ABLIM2: variants seen among roughly 807,000 people sequenced by gnomAD.
The protein encoded by ABLIM2 is actin-binding LIM protein 2.
A neutral mutation model predicts 97.7 loss-of-function variants in ABLIM2; 53 were observed. The ratio of observed to expected loss-of-function variants is 0.54; its 90% CI spans 0.44 to 0.68. The LOEUF is 0.68. Among genes scored for constraint, ABLIM2 ranks in the 30% least tolerant of loss-of-function variants. The pLI is 0.00. For missense variants in ABLIM2, 835 were observed against 867.2 expected (o/e 0.96, Z 0.47); for synonymous variants, 361 against 345.8 (o/e 1.04, Z -0.49).
In ABLIM2 at chr4:8,013,219, CTTTTTTTTTT is replaced by C. The variant is rs60424207; in HGVS notation, c.1424-4127_1424-4118del. 2.6e-3 allele frequency among the ~76,000 whole-genome samples: 284 copies of C among 110,620 alleles called. 2 individuals carry two copies. The highest frequency in any genetic ancestry group is 9.0e-3 in the African/African-American group (253 of 28,040). The allele number at this position is 110,620 out of a possible 152,430, so 72.6% of individuals were successfully genotyped here. ...ATTGTGGTCTGGATAAACATTTTTC[CTTTTTTTTTT>C]TTTTTTTTTTTGAGATGGATTCTCA... On this transcript the variant is annotated intron_variant, in intron 14 of 20. Coordinates refer to ENST00000447017, the MANE Select transcript of ABLIM2 (RefSeq NM_001130083.2).
At chr4:8,009,813 C>T (rs1374425520) in intron 14 of ABLIM2, among the ~76,000 whole-genome samples, 3 of 152,160 alleles carry the variant, frequency 2.0e-5, no homozygotes, top group East Asian at 1.9e-4. Context: ...CTGACTACCC[C>T]GCCCACCCCC....
rs760948438 is a variant in ABLIM2 at position 8,071,126 on chromosome 4, C to T, written c.675+6502G>A. ...TAGAGGCTGGTCACACCGCTGTCCC[C>T]GTGGATTCGCCAGCTGAGTCCCAGC... is the stretch of plus-strand genomic sequence containing the variant. On this transcript the variant is annotated intron_variant, in intron 6 of 20. Transcript: ENST00000447017. The surrounding 1 kb of genome is among the most constrained non-coding windows in gnomAD (Gnocchi z 6.2). Among the ~76,000 whole-genome samples the T allele has an allele frequency of 1.6e-4, 25 of 151,808 alleles. No homozygotes were observed. Among genetic ancestry groups the T allele is most frequent in the Non-Finnish European group, 2.9e-4 (20 of 67,976 alleles).
At position 8,140,445 on chromosome 4, in the gene ABLIM2, C is replaced by T. The variant is rs543183843; in HGVS notation, c.10+18235G>A. On this transcript the variant is annotated intron_variant, in intron 1 of 20. Transcript: ENST00000447017. This position sits in a 1 kb window ranked among gnomAD's most constrained non-coding sequence, Gnocchi z 5.9. ...TCGTGAAACAGTGCCAGAGGAGGAC[C>T]GCATCGTGCACCACCTGGAGGCTTG... Among the ~76,000 whole-genome samples, 6 of 151,976 alleles carry T rather than the reference C, an allele frequency of 3.9e-5. No homozygotes were observed. The highest frequency in any genetic ancestry group is 4.2e-4 in the South Asian group (2 of 4,794).
intron 6 of ABLIM2, among the ~76,000 whole-genome samples, chr4:8,063,821 A>AC (rs539397716): frequency 1.3e-5 from 2 of 151,534 alleles, no homozygotes; most frequent in African/African-American, 2.4e-5. Flanking sequence ...AATTCCAAAT[A>AC]CCCCCCTTGC....
intron 4 of ABLIM2, among the ~76,000 whole-genome samples, chr4:8,084,646 G>A (rs1436757030): frequency 1.3e-5 from 2 of 152,220 alleles, no homozygotes; most frequent in Admixed American, 6.5e-5. Context: ...CCAGGTCCAG[G>A]GGATGGAGCT....
At chr4:8,151,015 C>T (rs1449705844) in intron 1 of ABLIM2, among the ~76,000 whole-genome samples, 1 of 152,210 alleles carries the variant, frequency 6.6e-6, no homozygotes. Context: ...CCTTGACTCT[C>T]ACTCAGCATC....
rs368414784 is a variant in ABLIM2, at chr4:8,075,123, G to A, written c.675+2505C>T. ...TGAGAGTCATGATGAAATATGATGCGAGAGTAAAGCTTATGTCCGAACGAA... is the reference window on the plus strand; with the variant it reads ...TGAGAGTCATGATGAAATATGATGCAAGAGTAAAGCTTATGTCCGAACGAA... On this transcript the variant is annotated intron_variant, in intron 6 of 20. Coordinates refer to ENST00000447017, the MANE Select transcript of ABLIM2 (RefSeq NM_001130083.2). The surrounding 1 kb of genome is among the most constrained non-coding windows in gnomAD (Gnocchi z 4.4). Among the ~76,000 whole-genome samples, 10 of 152,304 alleles carry A rather than the reference G, an allele frequency of 6.6e-5. No individual in the cohort carries two copies. The South Asian group carries it at 1.4e-3, about 22-fold the overall frequency.
chr4:7,989,344 G>A (rs1001487731), intron 17 of ABLIM2: 4 of 939,120 alleles, frequency 4.3e-6, no homozygotes, highest in East Asian at 1.2e-4. Context: ...CTCGCAGAGT[G>A]CTGGGATTAT....
chr4:8,011,586 T>C (rs192578358), intron 14 of ABLIM2, among the ~76,000 whole-genome samples: 67 of 152,360 alleles, frequency 4.4e-4, no homozygotes, highest in African/African-American at 1.5e-3. Flanking sequence ...GAAACTCAGC[T>C]TACAGGTTTG....
At chr4:7,981,602 C>G (rs535367484) in intron 20 of ABLIM2, among the ~76,000 whole-genome samples, 1 of 152,308 alleles carries the variant, frequency 6.6e-6, no homozygotes, top group African/African-American at 2.4e-5. Flanking sequence ...AATTCCTTCT[C>G]TGCTTAAGTC....
chr4:8,121,194 G>A (rs960082174), intron 1 of ABLIM2, among the ~76,000 whole-genome samples: 11 of 152,206 alleles, frequency 7.2e-5, no homozygotes, highest in African/African-American at 2.2e-4. Flanking sequence ...TTTGGAGAAC[G>A]GTGATGTGAC....
intron 6 of ABLIM2, among the ~76,000 whole-genome samples, chr4:8,077,042 C>A: frequency 9.1e-6 from 1 of 109,468 alleles, no homozygotes; most frequent in Middle Eastern, 4.5e-3. Flanking sequence ...GGGTGGGCTG[C>A]AGGATGGGGG....
intron 6 of ABLIM2, among the ~76,000 whole-genome samples, chr4:8,065,825 G>A (rs1806762090): frequency 6.6e-6 from 1 of 152,074 alleles, no homozygotes; most frequent in Non-Finnish European, 1.5e-5. Context: ...TCAGGAGGCT[G>A]AGACAGGAGA....
chr4:8,054,303 C>A lies in ABLIM2; in HGVS notation c.764-57G>T. ...AGAGTTATTTCCCATGTTGCAGGGG[C>A]CTGTGTGGAAACGCAGAGGAGGGAG... On this transcript the variant is annotated intron_variant, in intron 7 of 20. Transcript: ENST00000447017. The surrounding 1 kb of genome is among the most constrained non-coding windows in gnomAD (Gnocchi z 4.9). 1 of 1,585,326 alleles carries A rather than the reference C, an allele frequency of 6.3e-7. No homozygotes were observed. Among genetic ancestry groups the A allele is most frequent in the Non-Finnish European group, 8.7e-7 (1 of 1,155,638 alleles).
rs749265520 is a variant in ABLIM2, at chr4:8,125,181, T to G, written c.11-18544A>C. On this transcript the variant is annotated intron_variant, in intron 1 of 20. Transcript: ENST00000447017. This position sits in a 1 kb window ranked among gnomAD's most constrained non-coding sequence, Gnocchi z 6.2. ...TATTTTGTGAGTTGTGTTTTCACTTTCCTCACGATGTCTTTGGCATCACAG... is the reference window on the plus strand; with the variant it reads ...TATTTTGTGAGTTGTGTTTTCACTTGCCTCACGATGTCTTTGGCATCACAG... 6.6e-6 allele frequency among the ~76,000 whole-genome samples: 1 copy of G among 152,242 alleles called. No homozygotes were observed. Among genetic ancestry groups the G allele is most frequent in the Non-Finnish European group, 1.5e-5 (1 of 68,052 alleles).
chr4:8,017,873 G>T (rs1770598610), intron 14 of ABLIM2, among the ~76,000 whole-genome samples: 1 of 152,022 alleles, frequency 6.6e-6, no homozygotes, highest in Admixed American at 6.6e-5. Context: ...TGCTCCTGTA[G>T]TCCCAGGTAC....
At chr4:8,010,707 C>G in intron 14 of ABLIM2, 1 of 586,654 alleles carries the variant, frequency 1.7e-6, no homozygotes, top group South Asian at 7.5e-5. Flanking sequence ...CTCACAGAGG[C>G]AAATCAACGC....
chr4:8,112,500 G>C lies in ABLIM2; in HGVS notation c.11-5863C>G, dbSNP rs1177324374. Among the ~76,000 whole-genome samples the C allele has an allele frequency of 1.3e-5, 2 of 152,202 alleles. No individual in the cohort carries two copies. Among genetic ancestry groups the C allele is most frequent in the Non-Finnish European group, 2.9e-5 (2 of 68,034 alleles). ...AGCTGAATCCTCTCCAAGGCTCAGA[G>C]ACCAGACTTGCAGGCCGCAGGATGG... On this transcript the variant is annotated intron_variant, in intron 1 of 20. Transcript: ENST00000447017. This position sits in a 1 kb window ranked among gnomAD's most constrained non-coding sequence, Gnocchi z 4.2.
chr4:7,980,722 A>G (rs953079296), intron 20 of ABLIM2, among the ~76,000 whole-genome samples: 4 of 151,530 alleles, frequency 2.6e-5, no homozygotes, highest in African/African-American at 9.7e-5. Context: ...CTCAAAGAAA[A>G]AAAAAAAAAG....
Sources: allele counts gnomAD v4.1 joint callset (sites outside exome capture counted in the v4.1 genomes callset), GRCh38; gene constraint gnomAD v4.1.1; non-coding constraint Gnocchi (gnomAD v3.1); transcripts MANE v1.5; gene names NCBI Gene and HGNC (gene_info 2026-07-23, HGNC 2026-07-21).